The following CELF2 variants were observed in gnomAD, a reference collection of about 807,000 sequenced individuals.
The protein encoded by CELF2 is CUGBP Elav-like family member 2.
A neutral mutation model predicts 62.6 loss-of-function variants in CELF2; 8 were observed. The ratio of observed to expected loss-of-function variants is 0.13; its 90% confidence interval spans 0.07 to 0.23. CELF2 has a LOEUF of 0.23. CELF2 is among the 10% of genes least tolerant of loss of function. The pLI is 1.00. For missense variants in CELF2, 333 were observed against 671.0 expected (o/e 0.50, Z 5.56); for synonymous variants, 258 against 250.0 (o/e 1.03, Z -0.30).
intron 1 of CELF2, among the ~76,000 whole-genome samples, chr10:10,809,568 C>T (rs1454944284): frequency 2.0e-5 from 3 of 152,144 alleles, no homozygotes; most frequent in African/African-American, 4.8e-5. Flanking sequence ...CTATACCATA[C>T]GACAATAAGT....
chr10:10,529,676 T>C, the CELF2 span, among the ~76,000 whole-genome samples: 2 of 73,804 alleles, frequency 2.7e-5, no homozygotes, highest in African/African-American at 5.9e-5. Context: ...ACAGCAAGAC[T>C]CCATCTCAAA....
chr10:11,290,972 C>A lies in CELF2; in HGVS notation c.976+2420C>A, dbSNP rs980774779. 6.6e-6 allele frequency among the ~76,000 whole-genome samples: 1 copy of A among 152,154 alleles called. No homozygotes were observed. The highest frequency in any genetic ancestry group is 2.4e-5 in the African/African-American group (1 of 41,420). ...TCCATCAGGGACTTTTTGAAAGTCA[C>A]AGAAAATGTGGTTAGTAGAATTCAT... On this transcript the variant is annotated intron_variant, in intron 9 of 12. Coordinates refer to ENST00000633077, the MANE Select transcript of CELF2 (RefSeq NM_001326342.2). This position sits in a 1 kb window ranked among gnomAD's most constrained non-coding sequence, Gnocchi z 4.3.
At chr10:10,645,341 C>A in the CELF2 span, among the ~76,000 whole-genome samples, 2 of 152,156 alleles carry the variant, frequency 1.3e-5, no homozygotes, top group Admixed American at 6.5e-5. Flanking sequence ...TACTTTTAAA[C>A]CTTTGTCGCA....
chr10:10,958,113 C>T (rs2049096391), intron 2 of CELF2, among the ~76,000 whole-genome samples: 1 of 152,294 alleles, frequency 6.6e-6, no homozygotes, highest in African/African-American at 2.4e-5. Flanking sequence ...TTGGTCTCTT[C>T]TCTGTCCATC....
intron 2 of CELF2, chr10:10,952,163 T>C (rs889298211): frequency 5.9e-5 from 9 of 152,166 alleles, no homozygotes; most frequent in African/African-American, 2.2e-4. Context: ...TGTCAGAAAA[T>C]GGCAACCGGG....
At chr10:10,686,310 T>TTGGGGGGGGG in the CELF2 span, among the ~76,000 whole-genome samples, 1 of 69,756 alleles carries the variant, frequency 1.4e-5, no homozygotes. Context: ...TTGGATTTTT[T>TTGGGGGGGGG]GGGGGGGGGG....
intron 1 of CELF2, among the ~76,000 whole-genome samples, chr10:10,854,275 TG>T (rs1332244340): frequency 6.6e-6 from 1 of 152,148 alleles, no homozygotes; most frequent in African/African-American, 2.4e-5. Context: ...AGGAACAATT[TG>T]GGGGAAGGGT....
chr10:10,519,683 T>G, the CELF2 span, among the ~76,000 whole-genome samples: 1 of 152,336 alleles, frequency 6.6e-6, no homozygotes, highest in East Asian at 1.9e-4. Flanking sequence ...GATGCTGAGC[T>G]AGGCCAAACC....
chr10:10,631,808 T>C, the CELF2 span, among the ~76,000 whole-genome samples: 3 of 151,876 alleles, frequency 2.0e-5, no homozygotes, highest in Admixed American at 6.6e-5. Flanking sequence ...GATAAGAAAA[T>C]GGGAAAAGTA....
intron 2 of CELF2, among the ~76,000 whole-genome samples, chr10:11,206,336 TG>T (rs1565294598): frequency 6.6e-6 from 1 of 152,250 alleles, no homozygotes; most frequent in Non-Finnish European, 1.5e-5. Context: ...TACCTCTCAT[TG>T]CCACTAGCCT....
At chr10:10,965,874 A>G (rs941215556) in intron 2 of CELF2, among the ~76,000 whole-genome samples, 8 of 152,190 alleles carry the variant, frequency 5.3e-5, no homozygotes, top group African/African-American at 1.9e-4. Context: ...TTATTACCCA[A>G]CTTATGAATG....
At chr10:10,806,958 C>T (rs186846704) in intron 1 of CELF2, among the ~76,000 whole-genome samples, 20 of 152,256 alleles carry the variant, frequency 1.3e-4, no homozygotes, top group Non-Finnish European at 2.2e-4. Context: ...TTGTTGTCCA[C>T]GGTTACCCCC....
the CELF2 span, among the ~76,000 whole-genome samples, chr10:10,541,242 C>A: frequency 9.7e-4 from 109 of 112,912 alleles, no homozygotes; most frequent in East Asian, 2.4e-3. Context: ...GACCCCATCT[C>A]AAAAAAAAAA....
In CELF2 at chr10:11,039,422, T is replaced by G. The variant is rs186357544; in HGVS notation, c.74+21259T>G. ...GACTATTCCTCCAACCTACTTCTTATGCTGGTTGTGTGAATTATACCATTA... is the reference window on the plus strand; with the variant it reads ...GACTATTCCTCCAACCTACTTCTTAGGCTGGTTGTGTGAATTATACCATTA... On this transcript the variant is annotated intron_variant, in intron 1 of 12. Coordinates refer to ENST00000633077, the MANE Select transcript of CELF2 (RefSeq NM_001326342.2). The surrounding 1 kb of genome is among the most constrained non-coding windows in gnomAD (Gnocchi z 4.1). Among the ~76,000 whole-genome samples the G allele has an allele frequency of 1.0e-3, 158 of 152,360 alleles. 1 individual carries two copies. The highest frequency in any genetic ancestry group is 3.3e-3 in the African/African-American group (137 of 41,588).
chr10:10,620,905 G>A, the CELF2 span, among the ~76,000 whole-genome samples: 6 of 89,710 alleles, frequency 6.7e-5, no homozygotes, highest in African/African-American at 1.8e-4. Context: ...GTGACAGAGC[G>A]AGACCCCATC....
chr10:11,115,551 G>A (rs1322541531), intron 1 of CELF2, among the ~76,000 whole-genome samples: 1 of 152,162 alleles, frequency 6.6e-6, no homozygotes, highest in African/African-American at 2.4e-5. Flanking sequence ...TGTCCCTTTA[G>A]CTATTCATCA....
At chr10:10,562,351 T>C in the CELF2 span, among the ~76,000 whole-genome samples, 1 of 152,360 alleles carries the variant, frequency 6.6e-6, no homozygotes, top group African/African-American at 2.4e-5. Flanking sequence ...GCACAATTAG[T>C]GATGAATAAT....
chr10:10,699,879 G>C, the CELF2 span, among the ~76,000 whole-genome samples: 2 of 152,164 alleles, frequency 1.3e-5, no homozygotes, highest in Admixed American at 1.3e-4. Context: ...GAACAGCATC[G>C]CCGTAGTTTC....
intron 1 of CELF2, among the ~76,000 whole-genome samples, chr10:11,059,324 A>C (rs979352063): frequency 6.6e-6 from 1 of 152,170 alleles, no homozygotes; most frequent in Admixed American, 6.5e-5. Flanking sequence ...CCTGTGCTTG[A>C]GTATATTTGT....
Sources: allele counts gnomAD v4.1 joint callset (sites outside exome capture counted in the v4.1 genomes callset), GRCh38; gene constraint gnomAD v4.1.1; non-coding constraint Gnocchi (gnomAD v3.1); transcripts MANE v1.5; gene names NCBI Gene and HGNC (gene_info 2026-07-23, HGNC 2026-07-21).